SNX29: variants seen among roughly 807,000 people sequenced by gnomAD.
SNX29 encodes sorting nexin-29.
In SNX29, 78 loss-of-function variants were observed where a neutral mutation model predicts 102.1. The ratio of observed to expected loss-of-function variants is 0.76; its 90% CI spans 0.64 to 0.92. The LOEUF is 0.92. Ranked by LOEUF, SNX29 falls within the 40% of genes least tolerant of loss-of-function variation. The pLI is 0.00. For synonymous variants in SNX29, 580 were observed against 414.5 expected (o/e 1.40, Z -4.85); for missense variants, 1,280 against 1,061.7 (o/e 1.21, Z -2.86).
At chr16:12,547,172 G>A (rs1217397635) in intron 20 of SNX29, among the ~76,000 whole-genome samples, 2 of 152,218 alleles carry the variant, frequency 1.3e-5, no homozygotes, top group Non-Finnish European at 2.9e-5. Flanking sequence ...TGCTGTTTAT[G>A]GTCTAGGAAG....
intron 15 of SNX29, among the ~76,000 whole-genome samples, chr16:12,321,722 C>G (rs544354753): frequency 9.9e-5 from 15 of 152,056 alleles, no homozygotes; most frequent in African/African-American, 3.6e-4. Context: ...ATGAGGGCCC[C>G]GGGGAGAAGA....
rs185000804 is a variant in SNX29, at chr16:12,018,730, T to C, written c.123-8590T>C. On this transcript the variant is annotated intron_variant, in intron 3 of 20. Transcript: ENST00000566228. ...GCAAATTTGTGGGGTATATTATCTT[T>C]TACACTTTTTTTTGTCTTTTTTTTT... Among the ~76,000 whole-genome samples the C allele has an allele frequency of 8.8e-4, 133 of 151,870 alleles. 1 individual carries two copies. Among genetic ancestry groups the C allele is most frequent in the Non-Finnish European group, 1.5e-3 (102 of 67,962 alleles).
intron 15 of SNX29, among the ~76,000 whole-genome samples, chr16:12,299,333 C>G (rs532321855): frequency 1.3e-5 from 2 of 152,106 alleles, no homozygotes; most frequent in Non-Finnish European, 2.9e-5. Context: ...TGTATTTAAG[C>G]CTATTTGATG....
At chr16:12,054,027 G>A (rs1396841190) in intron 8 of SNX29, among the ~76,000 whole-genome samples, 2 of 151,784 alleles carry the variant, frequency 1.3e-5, no homozygotes, top group African/African-American at 2.4e-5. Context: ...GGGTGCAGTG[G>A]CGTGATCTCG....
chr16:12,126,757 G>A, intron 12 of SNX29, 61 bp downstream of exon 12: 1 of 1,586,766 alleles, frequency 6.3e-7, no homozygotes, highest in Non-Finnish European at 8.6e-7. Context: ...CTCTGGGGAA[G>A]ACAGAATATA....
At chr16:12,381,096 C>T (rs1180641567) in intron 16 of SNX29, among the ~76,000 whole-genome samples, 9 of 35,480 alleles carry the variant, frequency 2.5e-4, no homozygotes, top group African/African-American at 1.1e-3. Flanking sequence ...ACCCACCATC[C>T]ATCCACCCAC....
chr16:11,985,149 TC>T (rs1284217442), intron 1 of SNX29, among the ~76,000 whole-genome samples: 2 of 152,196 alleles, frequency 1.3e-5, no homozygotes, highest in Non-Finnish European at 2.9e-5. Flanking sequence ...TTTGATTTTT[TC>T]CAAAGTGGTT....
chr16:12,547,174 T>A (rs76060256), intron 20 of SNX29, among the ~76,000 whole-genome samples: 2,046 of 152,242 alleles, frequency 0.013, 55 homozygotes, highest in South Asian at 0.12. Flanking sequence ...CTGTTTATGG[T>A]CTAGGAAGAT....
intron 18 of SNX29, among the ~76,000 whole-genome samples, chr16:12,455,916 G>A (rs370050376): frequency 8.5e-5 from 13 of 152,104 alleles, no homozygotes; most frequent in Non-Finnish European, 1.0e-4. Flanking sequence ...TCTAGCACCC[G>A]TTGGGCATCT....
intron 11 of SNX29, among the ~76,000 whole-genome samples, chr16:12,091,014 C>CAAAAAAAAA (rs58933500): frequency 3.9e-4 from 21 of 53,408 alleles, no homozygotes; most frequent in African/African-American, 6.2e-4. Context: ...GACTTCATCT[C>CAAAAAAAAA]AAAAAAAAAA....
chr16:12,532,964 G>C (rs1028172235), intron 20 of SNX29, among the ~76,000 whole-genome samples: 3 of 152,208 alleles, frequency 2.0e-5, no homozygotes, highest in Non-Finnish European at 4.4e-5. Flanking sequence ...CCAGGGAGCG[G>C]GTGGCGCAGC....
At chr16:12,398,872 A>G (rs531970955) in intron 17 of SNX29, among the ~76,000 whole-genome samples, 7 of 152,266 alleles carry the variant, frequency 4.6e-5, no homozygotes, top group South Asian at 4.1e-4. Context: ...GTGCCGTCCA[A>G]TTGACCACAG....
rs187795634 is a variant in SNX29 at position 12,436,371 on chromosome 16, G to A, written c.2037+32842G>A. Among the ~76,000 whole-genome samples, 6 of 152,346 alleles carry A rather than the reference G, an allele frequency of 3.9e-5. No individual in the cohort carries two copies. The East Asian group carries it at 1.2e-3, about 29-fold the overall frequency. Reference sequence around the variant, plus strand: ...ACCGTTTTTAGTACCAGGAGACAGCGACAGCTTGGCGTCAGTGCGATGCGT... The same window carrying A: ...ACCGTTTTTAGTACCAGGAGACAGCAACAGCTTGGCGTCAGTGCGATGCGT... On this transcript the variant is annotated intron_variant, in intron 18 of 20. Transcript: ENST00000566228.
intron 12 of SNX29, among the ~76,000 whole-genome samples, chr16:12,127,885 C>G (rs1434933906): frequency 1.3e-5 from 2 of 152,158 alleles, no homozygotes; most frequent in Non-Finnish European, 2.9e-5. Flanking sequence ...TCATAGAGGG[C>G]TTACCTGCAG....
chr16:12,425,927 A>C (rs918257727), intron 18 of SNX29, among the ~76,000 whole-genome samples: 2 of 151,958 alleles, frequency 1.3e-5, no homozygotes, highest in East Asian at 1.9e-4. Context: ...GCTAACCTGG[A>C]CTCTCTTGCA....
At chr16:12,401,875 A>T (rs1294338242) in intron 17 of SNX29, among the ~76,000 whole-genome samples, 1 of 152,174 alleles carries the variant, frequency 6.6e-6, no homozygotes. Flanking sequence ...TTAAACAATC[A>T]ATTTCTGATA....
intron 15 of SNX29, among the ~76,000 whole-genome samples, chr16:12,341,285 A>G (rs574356900): frequency 6.6e-6 from 1 of 152,362 alleles, no homozygotes; most frequent in African/African-American, 2.4e-5. Flanking sequence ...ACCTTGAACA[A>G]ATGATTTAAT....
chr16:12,279,065 G>C (rs1191379328), intron 15 of SNX29, among the ~76,000 whole-genome samples: 1 of 152,212 alleles, frequency 6.6e-6, no homozygotes, highest in Non-Finnish European at 1.5e-5. Flanking sequence ...GATGAGGTGT[G>C]TGTACATGTT....
intron 10 of SNX29, among the ~76,000 whole-genome samples, chr16:12,069,657 C>A (rs968410923): frequency 2.0e-5 from 3 of 152,094 alleles, no homozygotes; most frequent in African/African-American, 7.2e-5. Flanking sequence ...ATGTCAACAC[C>A]TTTTGGGGCA....
Sources: allele counts gnomAD v4.1 joint callset (sites outside exome capture counted in the v4.1 genomes callset), GRCh38; gene constraint gnomAD v4.1.1; transcripts MANE v1.5; gene names NCBI Gene and HGNC (gene_info 2026-07-23, HGNC 2026-07-21).